Variants in LINGO2 observed in about 807,000 individuals in gnomAD.
LINGO2 encodes leucine rich repeat and Ig domain containing 2.
A neutral mutation model predicts 30.6 loss-of-function variants in LINGO2; 14 were observed. The observed-to-expected ratio is 0.46, with a 90% CI of 0.30 to 0.72. LINGO2 has a LOEUF of 0.72. LINGO2 is among the 30% of genes least tolerant of loss of function. LINGO2 has a pLI of 0.07. For missense variants in LINGO2, 729 were observed against 751.7 expected (o/e 0.97, Z 0.35); for synonymous variants, 317 against 288.5 (o/e 1.10, Z -1.00).
chr9:28,989,975 G>A, the LINGO2 span, among the ~76,000 whole-genome samples: 29 of 152,292 alleles, frequency 1.9e-4, no homozygotes, highest in East Asian at 2.3e-3. Flanking sequence ...CGCAGAAGAC[G>A]GCTGATTTCT....
intron 1 of LINGO2, among the ~76,000 whole-genome samples, chr9:28,638,261 G>T (rs1475641841): frequency 1.3e-5 from 2 of 152,126 alleles, no homozygotes; most frequent in Non-Finnish European, 2.9e-5. Flanking sequence ...GTTCATCAGG[G>T]ATATTGGTCT....
At chr9:28,008,834 G>A (rs1387211223) in intron 5 of LINGO2, among the ~76,000 whole-genome samples, 1 of 151,654 alleles carries the variant, frequency 6.6e-6, no homozygotes, top group Admixed American at 6.6e-5. Context: ...AGATGACAGT[G>A]CCCACCAAAG....
the LINGO2 span, among the ~76,000 whole-genome samples, chr9:28,939,887 A>G: frequency 6.6e-6 from 1 of 152,156 alleles, no homozygotes; most frequent in Non-Finnish European, 1.5e-5. Flanking sequence ...CCCACTCTAG[A>G]TTAAAAAGTA....
intron 5 of LINGO2, among the ~76,000 whole-genome samples, chr9:27,994,908 G>C (rs1329738472): frequency 6.6e-6 from 1 of 152,048 alleles, no homozygotes; most frequent in Non-Finnish European, 1.5e-5. Context: ...AGAGTGTACT[G>C]TCTCTCTCTC....
the LINGO2 span, among the ~76,000 whole-genome samples, chr9:29,006,693 G>A: frequency 1.3e-5 from 2 of 151,902 alleles, no homozygotes; most frequent in Non-Finnish European, 2.9e-5. Flanking sequence ...GAGTAAACAC[G>A]GGTTTCCTTA....
At chr9:28,798,717 G>T in the LINGO2 span, among the ~76,000 whole-genome samples, 1 of 152,110 alleles carries the variant, frequency 6.6e-6, no homozygotes, top group Non-Finnish European at 1.5e-5. Context: ...CTGCACGGTT[G>T]CAGGCACAGA....
At chr9:28,730,215 A>G in the LINGO2 span, among the ~76,000 whole-genome samples, 17 of 152,286 alleles carry the variant, frequency 1.1e-4, no homozygotes, top group African/African-American at 4.1e-4. Flanking sequence ...AAGTGAGATA[A>G]GAAAATCCCA....
chr9:28,636,113 T>A (rs191238541), intron 1 of LINGO2, among the ~76,000 whole-genome samples: 1 of 152,168 alleles, frequency 6.6e-6, no homozygotes, highest in Non-Finnish European at 1.5e-5. Context: ...CTCAGAATGA[T>A]GATTTCCAGC....
At chr9:28,598,428 A>ACC (rs781173715) in intron 1 of LINGO2, among the ~76,000 whole-genome samples, 1 of 140,676 alleles carries the variant, frequency 7.1e-6, no homozygotes, top group African/African-American at 2.6e-5. Flanking sequence ...CAAAAAAAAA[A>ACC]AAAAAACAAA....
intron 4 of LINGO2, among the ~76,000 whole-genome samples, chr9:28,108,552 G>T (rs1320255078): frequency 2.6e-5 from 4 of 152,034 alleles, no homozygotes; most frequent in Non-Finnish European, 4.4e-5. Context: ...GGAAGGGAAA[G>T]AAAAAATATA....
chr9:28,942,713 T>C, the LINGO2 span, among the ~76,000 whole-genome samples: 3 of 152,230 alleles, frequency 2.0e-5, no homozygotes, highest in South Asian at 2.1e-4. Flanking sequence ...TATTACTGTA[T>C]ACTTAAAAGT....
At chr9:29,205,879 G>A in the LINGO2 span, among the ~76,000 whole-genome samples, 2 of 152,104 alleles carry the variant, frequency 1.3e-5, no homozygotes, top group African/African-American at 4.8e-5. Context: ...GTGCCCATAC[G>A]CAGTCACTCA....
At chr9:28,456,215 GAAA>G (rs879342462) in intron 2 of LINGO2, among the ~76,000 whole-genome samples, 1 of 152,148 alleles carries the variant, frequency 6.6e-6, no homozygotes, top group Non-Finnish European at 1.5e-5. Flanking sequence ...TAAGCAAAGT[GAAA>G]AAGACTTGTT....
At chr9:28,804,554 AAAAC>A in the LINGO2 span, among the ~76,000 whole-genome samples, 2 of 108,378 alleles carry the variant, frequency 1.8e-5, no homozygotes, top group African/African-American at 6.3e-5. Context: ...AACAAAAACA[AAAAC>A]AAAAACAAAA....
At chr9:28,897,266 A>G in the LINGO2 span, among the ~76,000 whole-genome samples, 1 of 152,160 alleles carries the variant, frequency 6.6e-6, no homozygotes, top group Non-Finnish European at 1.5e-5. Context: ...GATTAGAGAG[A>G]GCAGGCATAA....
At chr9:29,145,312 T>C in the LINGO2 span, among the ~76,000 whole-genome samples, 5 of 152,186 alleles carry the variant, frequency 3.3e-5, no homozygotes, top group African/African-American at 1.2e-4. Context: ...TTACTAGAGA[T>C]AGTTTGTTTT....
At chr9:28,380,239 G>C (rs979241045) in intron 2 of LINGO2, among the ~76,000 whole-genome samples, 2 of 151,926 alleles carry the variant, frequency 1.3e-5, no homozygotes, top group African/African-American at 4.8e-5. Flanking sequence ...TATACAATGT[G>C]TCTAAAATGT....
chr9:28,194,574 A>G (rs560631622), intron 4 of LINGO2, among the ~76,000 whole-genome samples: 32 of 151,242 alleles, frequency 2.1e-4, no homozygotes, highest in South Asian at 1.9e-3. Flanking sequence ...AAAAAAAAAA[A>G]AAAAAATGGC....
At chr9:28,477,908 T>C (rs1322955699) in intron 1 of LINGO2, among the ~76,000 whole-genome samples, 2 of 152,152 alleles carry the variant, frequency 1.3e-5, no homozygotes, top group Non-Finnish European at 2.9e-5. Context: ...CATTACCGTA[T>C]ATAGTTCTTT....
Sources: gnomAD v4.1 joint callset for allele counts (sites outside exome capture counted in the v4.1 genomes callset) on GRCh38, gnomAD v4.1.1 for gene constraint, MANE v1.5 for transcripts, NCBI Gene and HGNC (gene_info 2026-07-23, HGNC 2026-07-21) for gene names.